Variants in SYNPO2 observed in about 807,000 individuals in gnomAD.
SYNPO2 encodes synaptopodin 2, also known as synaptopodin-2.
SYNPO2 carries 56 observed loss-of-function variants against 85.0 expected under a neutral mutation model. That is an observed-to-expected ratio of 0.66 (90% CI 0.53 to 0.82). The LOEUF is 0.82. Among genes scored for constraint, SYNPO2 ranks in the 40% least tolerant of loss-of-function variants. The pLI is 0.00. For missense variants in SYNPO2, 1,575 were observed against 1,534.2 expected (o/e 1.03, Z -0.44); for synonymous variants, 602 against 591.1 (o/e 1.02, Z -0.27).
chr4:119,043,675 C>A (rs4834736), intron 4 of SYNPO2: 118,249 of 152,140 alleles, frequency 0.78, 45,984 homozygotes, highest in Admixed American at 0.82. Context: ...CAGTGGCTCA[C>A]GCCTGTAATC....
At chr4:119,010,993 G>A (rs370093195) in intron 1 of SYNPO2, among the ~76,000 whole-genome samples, 35 of 152,316 alleles carry the variant, frequency 2.3e-4, no homozygotes, top group African/African-American at 7.2e-4. Context: ...TGGCAAGATG[G>A]TGACATTCAT....
chr4:118,994,418 T>C (rs9307466), intron 1 of SYNPO2, among the ~76,000 whole-genome samples: 2,714 of 152,270 alleles, frequency 0.018, 76 homozygotes, highest in African/African-American at 0.062. Flanking sequence ...TTCAGAACAT[T>C]GTGTGTTATT....
chr4:119,007,841 C>A (rs1224292604), intron 1 of SYNPO2, among the ~76,000 whole-genome samples: 1 of 152,002 alleles, frequency 6.6e-6, no homozygotes, highest in Non-Finnish European at 1.5e-5. Flanking sequence ...CATACCTTTG[C>A]TGCATGTATT....
chr4:119,048,541 G>A (rs558437641), intron 4 of SYNPO2, among the ~76,000 whole-genome samples: 1 of 152,174 alleles, frequency 6.6e-6, no homozygotes, highest in South Asian at 2.1e-4. Context: ...TCTAAGGGAA[G>A]GATTAAAGCA....
intron 1 of SYNPO2, among the ~76,000 whole-genome samples, chr4:119,018,982 G>A (rs76014799): frequency 0.017 from 2,561 of 152,186 alleles, 67 homozygotes; most frequent in African/African-American, 0.058. Flanking sequence ...TAAGCTGCAT[G>A]TTCTCACTTA....
chr4:118,906,982 T>C (rs1032499167), intron 1 of SYNPO2, among the ~76,000 whole-genome samples: 1 of 151,766 alleles, frequency 6.6e-6, no homozygotes, highest in Non-Finnish European at 1.5e-5. Flanking sequence ...TAATTTTTTT[T>C]TTTTCTATTT....
chr4:118,901,766 T>C (rs28540764), intron 1 of SYNPO2, among the ~76,000 whole-genome samples: 59,263 of 152,048 alleles, frequency 0.39, 11,893 homozygotes, highest in South Asian at 0.55. Context: ...GTGGGTCCCC[T>C]TTTTGGTGAG....
intron 1 of SYNPO2, among the ~76,000 whole-genome samples, chr4:118,917,663 A>AAT (rs34892055): frequency 0.86 from 130,689 of 152,062 alleles, 56,227 homozygotes; most frequent in Middle Eastern, 0.95. Flanking sequence ...TGCATATATG[A>AAT]ATGTTTGTCC....
chr4:118,867,443 C>T (rs1731719382), intron 1 of SYNPO2, among the ~76,000 whole-genome samples: 2 of 147,296 alleles, frequency 1.4e-5, no homozygotes, highest in African/African-American at 4.9e-5. Context: ...GAGATAATTC[C>T]TTGTGGTTCC....
chr4:118,927,030 G>A (rs1417036032), intron 1 of SYNPO2, among the ~76,000 whole-genome samples: 1 of 152,098 alleles, frequency 6.6e-6, no homozygotes, highest in Non-Finnish European at 1.5e-5. Context: ...TTTCTTAGAG[G>A]CAAACTCAGG....
intron 1 of SYNPO2, among the ~76,000 whole-genome samples, chr4:118,877,401 A>G (rs1731946147): frequency 6.6e-6 from 1 of 152,242 alleles, no homozygotes; most frequent in African/African-American, 2.4e-5. Context: ...AGCAAAAGAA[A>G]CTATTAAAAG....
intron 4 of SYNPO2, among the ~76,000 whole-genome samples, chr4:119,051,187 T>TGTTTTG (rs1553950325): frequency 1.6e-3 from 7 of 4,356 alleles, no homozygotes; most frequent in African/African-American, 2.3e-3. Flanking sequence ...TGGGAAGCAA[T>TGTTTTG]TTTTTTTTTT....
intron 1 of SYNPO2, among the ~76,000 whole-genome samples, chr4:119,010,493 TTCCCACCA>T (rs1359672209): frequency 1.3e-5 from 2 of 152,154 alleles, no homozygotes; most frequent in African/African-American, 4.8e-5. Flanking sequence ...CTCACATTAT[TTCCCACCA>T]GGTCCCCCCC....
At chr4:118,958,631 C>G (rs560036243) in intron 1 of SYNPO2, among the ~76,000 whole-genome samples, 2 of 152,182 alleles carry the variant, frequency 1.3e-5, no homozygotes, top group East Asian at 3.9e-4. Context: ...TCCTGAGTAA[C>G]TCTGCGTTGC....
At chr4:119,016,322 CAGG>C (rs1737523680) in intron 1 of SYNPO2, among the ~76,000 whole-genome samples, 1 of 150,870 alleles carries the variant, frequency 6.6e-6, no homozygotes, top group African/African-American at 2.4e-5. Context: ...GAGGCTGAGG[CAGG>C]AGTATTGCTT....
intron 1 of SYNPO2, among the ~76,000 whole-genome samples, chr4:118,965,403 T>C (rs1735275798): frequency 6.6e-6 from 1 of 152,126 alleles, no homozygotes; most frequent in South Asian, 2.1e-4. Flanking sequence ...TGCACTGCAT[T>C]CTACCCTCCT....
chr4:118,873,424 G>T (rs1165218701), intron 1 of SYNPO2, among the ~76,000 whole-genome samples: 1 of 151,612 alleles, frequency 6.6e-6, no homozygotes, highest in Non-Finnish European at 1.5e-5. Flanking sequence ...TCTTATTGTG[G>T]CTTTAATTTG....
intron 1 of SYNPO2, among the ~76,000 whole-genome samples, chr4:118,921,252 G>T (rs1229304262): frequency 6.6e-6 from 1 of 152,014 alleles, no homozygotes; most frequent in Non-Finnish European, 1.5e-5. Flanking sequence ...TATTCTGTAG[G>T]ATTTCATGGT....
chr4:118,872,879 T>C (rs1240683772), intron 1 of SYNPO2, among the ~76,000 whole-genome samples: 2 of 150,702 alleles, frequency 1.3e-5, no homozygotes, highest in Non-Finnish European at 3.0e-5. Context: ...TATGTCCATG[T>C]GTACACATTA....
Sources: gnomAD v4.1 joint callset for allele counts (sites outside exome capture counted in the v4.1 genomes callset) on GRCh38, gnomAD v4.1.1 for gene constraint, MANE v1.5 for transcripts, NCBI Gene and HGNC (gene_info 2026-07-23, HGNC 2026-07-21) for gene names.